Variants in CADM1 observed in about 807,000 individuals in gnomAD.
The protein encoded by CADM1 is cell adhesion molecule 1, also known as TSLC-1.
Under a neutral mutation model 53.1 loss-of-function variants are expected in CADM1, and 15 were observed. The ratio of observed to expected loss-of-function variants is 0.28; its 90% CI spans 0.19 to 0.44. CADM1 has a LOEUF of 0.44. Ranked by LOEUF, CADM1 falls within the 20% of genes least tolerant of loss-of-function variation. The pLI is 1.00. For missense variants in CADM1, 434 were observed against 611.3 expected, an observed-to-expected ratio of 0.71 and a Z score of 3.06; for synonymous variants, 281 against 243.0, an observed-to-expected ratio of 1.16 and a Z score of -1.45.
chr11:115,267,674 CTTTCTTTT>C (rs1175880323), intron 1 of CADM1, among the ~76,000 whole-genome samples: 6 of 135,334 alleles, frequency 4.4e-5, no homozygotes, highest in African/African-American at 1.8e-4. Flanking sequence ...CCTAAAATTG[CTTTCTTTT>C]TTTTTTTTTT....
chr11:115,478,754 T>A (rs1234716224), intron 1 of CADM1, among the ~76,000 whole-genome samples: 1 of 152,192 alleles, frequency 6.6e-6, no homozygotes, highest in Non-Finnish European at 1.5e-5. Flanking sequence ...GCATTATAGA[T>A]TAATTATATA....
intron 1 of CADM1, among the ~76,000 whole-genome samples, chr11:115,490,249 C>T (rs1013987960): frequency 6.6e-6 from 1 of 151,870 alleles, no homozygotes; most frequent in Admixed American, 6.6e-5. Context: ...ACAGGCAGGA[C>T]CTATAGCTAA....
intron 9 of CADM1, chr11:115,194,107 C>T (rs1210561213): frequency 6.6e-6 from 1 of 152,238 alleles, no homozygotes; most frequent in Non-Finnish European, 1.5e-5. Flanking sequence ...ACCTCTTGAG[C>T]TTTGCTCTTG....
chr11:115,180,484 C>T (rs866428990), intron 10 of CADM1, among the ~76,000 whole-genome samples: 2 of 152,076 alleles, frequency 1.3e-5, no homozygotes, highest in South Asian at 4.1e-4. Flanking sequence ...TGAGCGAGCC[C>T]CTCCAGCAAC....
In CADM1 at chr11:115,172,237, T is replaced by C. The variant is rs1474440213; in HGVS notation, c.*4237A>G. 1.3e-5 allele frequency: 2 copies of C among 152,276 alleles called. No individual in the cohort carries two copies. The highest frequency in any genetic ancestry group is 1.3e-4 in the Admixed American group (2 of 15,294). 9.4% of individuals were successfully genotyped at this position (152,276 alleles called of 1,614,324 possible). A position where few individuals can be genotyped will look rare whatever the true frequency, so the allele number is the denominator to read the frequency against. The stretch of plus-strand genomic sequence containing the variant: ...CTTATTCTATCTCTCTGGGTCTTTT[T>C]ATAGAGATGCAATGAATGAGTACTC... On this transcript the variant is annotated 3_prime_UTR_variant, in exon 12 of 12. Transcript: ENST00000331581.
chr11:115,270,265 C>G (rs568781296), intron 1 of CADM1, among the ~76,000 whole-genome samples: 1 of 152,156 alleles, frequency 6.6e-6, no homozygotes, highest in Non-Finnish European at 1.5e-5. Context: ...TTAAGTCTCT[C>G]CTGCAACACA....
At chr11:115,401,619 C>G (rs1184796870) in intron 1 of CADM1, among the ~76,000 whole-genome samples, 1 of 152,066 alleles carries the variant, frequency 6.6e-6, no homozygotes, top group African/African-American at 2.4e-5. Flanking sequence ...GCAACAACAA[C>G]AACAAAAAGA....
At chr11:115,220,884 T>C (rs773786860) in intron 5 of CADM1, among the ~76,000 whole-genome samples, 14 of 152,198 alleles carry the variant, frequency 9.2e-5, no homozygotes, top group Non-Finnish European at 1.3e-4. Flanking sequence ...AACTACGATA[T>C]GAATATGTCA....
intron 1 of CADM1, among the ~76,000 whole-genome samples, chr11:115,381,202 G>C (rs967677355): frequency 2.8e-4 from 42 of 151,770 alleles, no homozygotes; most frequent in African/African-American, 9.2e-4. Flanking sequence ...GCTGAGGCAG[G>C]AGAATCACTT....
At chr11:115,454,853 A>G (rs1948649388) in intron 1 of CADM1, among the ~76,000 whole-genome samples, 1 of 152,186 alleles carries the variant, frequency 6.6e-6, no homozygotes, top group Non-Finnish European at 1.5e-5. Flanking sequence ...AGGAGCTTAT[A>G]TTGTATATCT....
chr11:115,354,704 T>C (rs1462923371), intron 1 of CADM1, among the ~76,000 whole-genome samples: 6 of 152,150 alleles, frequency 3.9e-5, no homozygotes, highest in African/African-American at 1.4e-4. Flanking sequence ...TTTATGTATA[T>C]CACATATATC....
chr11:115,397,611 C>T (rs1947034133), intron 1 of CADM1: 1 of 152,158 alleles, frequency 6.6e-6, no homozygotes, highest in Non-Finnish European at 1.5e-5. Flanking sequence ...TCAGTCTCAT[C>T]ATCTTTGAAG....
At position 115,284,240 on chromosome 11, in the gene CADM1, AATT is replaced by A. The variant is rs1348388171; in HGVS notation, c.125-43823_125-43821del. 2.0e-5 allele frequency among the ~76,000 whole-genome samples: 3 copies of A among 151,626 alleles called. No individual in the cohort carries two copies. In the East Asian group the frequency reaches 5.8e-4, roughly 29 times the overall value. ...GACTTTCTGCTCCTAGAAATGGGTC[AATT>A]ATTTTGTGGCCTAGAGATGATCCAG... On this transcript the variant is annotated intron_variant, in intron 1 of 11. Coordinates refer to ENST00000331581, the MANE Select transcript of CADM1 (RefSeq NM_001301043.2).
chr11:115,290,445 C>T (rs964558689), intron 1 of CADM1, among the ~76,000 whole-genome samples: 1 of 152,032 alleles, frequency 6.6e-6, no homozygotes, highest in Non-Finnish European at 1.5e-5. Context: ...GCATACTGTG[C>T]GGGAGAAATG....
intron 1 of CADM1, among the ~76,000 whole-genome samples, chr11:115,477,477 G>A (rs1192070780): frequency 1.3e-5 from 2 of 152,160 alleles, no homozygotes; most frequent in Admixed American, 1.3e-4. Context: ...TTCTAAACTT[G>A]CATTAAGTCA....
At chr11:115,363,705 C>T (rs1946086905) in intron 1 of CADM1, 1 of 152,156 alleles carries the variant, frequency 6.6e-6, no homozygotes, top group African/African-American at 2.4e-5. Flanking sequence ...AGGTAAGATT[C>T]TTGGACTATT....
intron 1 of CADM1, among the ~76,000 whole-genome samples, chr11:115,458,869 T>A (rs1289447299): frequency 6.6e-6 from 1 of 152,112 alleles, no homozygotes; most frequent in African/African-American, 2.4e-5. Flanking sequence ...CTCACAAAGA[T>A]CTAATAGATT....
At chr11:115,410,728 A>G (rs1195639964) in intron 1 of CADM1, among the ~76,000 whole-genome samples, 1 of 152,250 alleles carries the variant, frequency 6.6e-6, no homozygotes, top group Admixed American at 6.5e-5. Flanking sequence ...TTAACAGATG[A>G]GTTTAACATG....
In CADM1 at chr11:115,231,415, G is replaced by T; in HGVS notation, c.500C>A (p.Thr167Asn). Residue 167 changes from threonine to asparagine, a missense_variant, in exon 4 of 12, where the codon ACT becomes AAT. By Grantham distance (65) the Thr-to-Asn change is moderately conservative. This residue lies in a region of CADM1 where 311 missense variants were observed against 435.1 expected (regional missense o/e 0.71). Coordinates refer to ENST00000331581, the MANE Select transcript of CADM1 (RefSeq NM_001301043.2). ...VEGEEIEVNC[T>N]AMASKPATTI... is the part of the protein sequence containing the mutation. Reference sequence around the variant, plus strand: ...CGTGGCTGGCTTGCTGGCCATAGCAGTGCAGTTGACTTCAATCTCCTCACC... The same window carrying T: ...CGTGGCTGGCTTGCTGGCCATAGCATTGCAGTTGACTTCAATCTCCTCACC... 6.2e-7 allele frequency: 1 copy of T among 1,614,092 alleles called. No homozygotes were observed. Among genetic ancestry groups the T allele is most frequent in the Non-Finnish European group, 8.5e-7 (1 of 1,179,952 alleles).
Sources: gnomAD v4.1 joint callset for allele counts (sites outside exome capture counted in the v4.1 genomes callset) on GRCh38, gnomAD v4.1.1 for gene constraint, gnomAD v4.1.1 regional missense constraint, MANE v1.5 for transcripts, NCBI Gene and HGNC (gene_info 2026-07-23, HGNC 2026-07-21) for gene names.